Variants in ELFN2 observed in about 807,000 individuals in gnomAD.
ELFN2 encodes the protein extracellular leucine rich repeat and fibronectin type III domain containing 2.
ELFN2 carries 17 observed loss-of-function variants against 45.5 expected under a neutral mutation model. That is an observed-to-expected ratio of 0.37 (90% CI 0.26 to 0.56). The LOEUF is 0.56. ELFN2 is among the 20% of genes least tolerant of loss of function. The pLI is 0.77. For missense variants in ELFN2, 922 were observed against 1,183.2 expected (o/e 0.78, Z 3.24); for synonymous variants, 550 against 551.5 (o/e 1.00, Z 0.04).
At chr22:37,394,976 G>A (rs1034553710) in intron 2 of ELFN2, among the ~76,000 whole-genome samples, 7 of 152,002 alleles carry the variant, frequency 4.6e-5, no homozygotes, top group African/African-American at 1.7e-4. Flanking sequence ...GGGGGCACAC[G>A]CCTGTAGTCC....
chr22:37,363,501 C>T (rs1931134839), downstream of ELFN2, among the ~76,000 whole-genome samples: 1 of 151,928 alleles, frequency 6.6e-6, no homozygotes, highest in Admixed American at 6.6e-5. Context: ...GGAAGATGCG[C>T]GGTCTGAGAT....
chr22:37,367,381 G>A (rs1392750417), downstream of ELFN2, among the ~76,000 whole-genome samples: 3 of 152,226 alleles, frequency 2.0e-5, no homozygotes, highest in South Asian at 2.1e-4. Context: ...ATGAAGAACC[G>A]CAGCAGATGG....
At chr22:37,383,315 C>T (rs1165213823) in intron 2 of ELFN2, among the ~76,000 whole-genome samples, 1 of 152,230 alleles carries the variant, frequency 6.6e-6, no homozygotes, top group Non-Finnish European at 1.5e-5. Context: ...CTCTAGGCCC[C>T]TTCACACACA....
intron 2 of ELFN2, among the ~76,000 whole-genome samples, chr22:37,415,172 GC>G (rs1932743625): frequency 7.0e-6 from 1 of 142,894 alleles, no homozygotes; most frequent in African/African-American, 3.0e-5. Flanking sequence ...GCCCTCTTTG[GC>G]CATCACTCTC....
intron 2 of ELFN2, among the ~76,000 whole-genome samples, chr22:37,386,774 A>G (rs1014580219): frequency 6.6e-6 from 1 of 152,294 alleles, no homozygotes; most frequent in East Asian, 1.9e-4. Context: ...TGCTGTGGCC[A>G]CCAACTCCGC....
chr22:37,397,841 G>A (rs547317983), intron 2 of ELFN2, among the ~76,000 whole-genome samples: 86 of 152,194 alleles, frequency 5.7e-4, no homozygotes, highest in African/African-American at 2.0e-3. Flanking sequence ...GGAGGCTGTG[G>A]GCACCCGGGA....
intron 2 of ELFN2, chr22:37,341,038 G>A (rs1263775876): frequency 6.6e-6 from 1 of 152,400 alleles, no homozygotes; most frequent in Non-Finnish European, 1.5e-5. Context: ...GAGAGAGGGA[G>A]GGAGAAGGGG....
intron 1 of ELFN2, chr22:37,353,766 G>C (rs533490052): frequency 1.7e-4 from 25 of 151,130 alleles, no homozygotes; most frequent in African/African-American, 5.8e-4. Flanking sequence ...ACCCAGCCAG[G>C]CTTGGCCAGG....
chr22:37,373,089 C>T lies in ELFN2; in HGVS notation c.2446G>A (p.Ala816Thr), dbSNP rs61737924. The T allele has an allele frequency of 2.5e-6, 4 of 1,598,088 alleles. No homozygotes were observed. The highest frequency in any genetic ancestry group is 2.6e-6 in the Non-Finnish European group (3 of 1,168,780). Residue 816 changes from alanine to threonine, a missense_variant, in exon 3 of 3, where the codon GCC becomes ACC. Around this residue, in one of 2 missense-constraint regions of ELFN2, gnomAD observed 564 missense variants for 642.8 expected, o/e 0.88. Transcript: ENST00000402918. ...GGGGGGGGTCACAGCTTCTGCTGGG[C>T]GGAGACCCCCTTCCAGTAATCAAGG... is the stretch of plus-strand genomic sequence containing the variant. ...DILDYWKGVS[A>T]QQKL
At chr22:37,405,845 G>GT (rs1276613476) in intron 2 of ELFN2, among the ~76,000 whole-genome samples, 3 of 148,686 alleles carry the variant, frequency 2.0e-5, no homozygotes, top group Non-Finnish European at 4.5e-5. Flanking sequence ...GGTGGAGGGG[G>GT]GGTGGTCCTG....
chr22:37,387,120 G>A (rs1931968195), intron 2 of ELFN2, among the ~76,000 whole-genome samples: 2 of 152,186 alleles, frequency 1.3e-5, no homozygotes, highest in South Asian at 4.1e-4. Flanking sequence ...AGTGAGGAAG[G>A]ATGGGGCCTG....
chr22:37,407,736 A>C (rs1932541920), intron 2 of ELFN2, among the ~76,000 whole-genome samples: 1 of 151,904 alleles, frequency 6.6e-6, no homozygotes, highest in African/African-American at 2.4e-5. Context: ...TCTCTACTAA[A>C]AAAAAAAAAT....
In ELFN2 at chr22:37,374,757, G is replaced by A. The variant is rs757543769; in HGVS notation, c.778C>T (p.Pro260Ser). The change falls in exon 3 of 3, where the codon CCC becomes TCC. Residue 260 changes from proline (P) to serine (S), a missense_variant. Transcript: ENST00000402918. ...LPARPVSHPTPYSTDAQREPD... is the reference protein window; with the variant it reads ...LPARPVSHPTSYSTDAQREPD... Reference sequence around the variant, plus strand: ...TCCCTCTGGGCGTCGGTGGAGTAGGGCGTGGGGTGGCTCACGGGCCGGGCG... The same window carrying A: ...TCCCTCTGGGCGTCGGTGGAGTAGGACGTGGGGTGGCTCACGGGCCGGGCG... The A allele has an allele frequency of 1.6e-5, 25 of 1,610,206 alleles. No individual in the cohort carries two copies. The Admixed American group carries it at 4.2e-4, about 27-fold the overall frequency.
intron 1 of ELFN2, among the ~76,000 whole-genome samples, chr22:37,424,462 G>A (rs1002400524): frequency 6.6e-6 from 1 of 152,148 alleles, no homozygotes; most frequent in African/African-American, 2.4e-5. Flanking sequence ...TTCCTATCAC[G>A]CTGACTGTTT....
chr22:37,397,374 C>T (rs1487440804), intron 2 of ELFN2, among the ~76,000 whole-genome samples: 1 of 152,190 alleles, frequency 6.6e-6, no homozygotes, highest in African/African-American at 2.4e-5. Context: ...TGGCATCCGT[C>T]TCCACTCGCT....
rs1351107395 is a variant in ELFN2, at chr22:37,350,639, C to G, written n.149-7936G>C. 4.6e-5 allele frequency among the ~76,000 whole-genome samples: 7 copies of G among 150,716 alleles called. 1 individual carries two copies. ...GCTGAGAGCGTGTGTGACCCCAGAG[C>G]CCCCAGTACTGTCATTAGCGCTGAT... On this transcript the variant is annotated intron_variant and non_coding_transcript_variant, in intron 1 of 2. Coordinates refer to ENST00000452946, the Ensembl canonical transcript of ELFN2.
At chr22:37,343,906 C>G (rs2145607118) in intron 1 of ELFN2, among the ~76,000 whole-genome samples, 1 of 152,234 alleles carries the variant, frequency 6.6e-6, no homozygotes, top group East Asian at 1.9e-4. Flanking sequence ...CTCACACCCC[C>G]CTGGATCCCT....
At chr22:37,389,630 C>A (rs1464242373) in intron 2 of ELFN2, among the ~76,000 whole-genome samples, 1 of 152,086 alleles carries the variant, frequency 6.6e-6, no homozygotes, top group African/African-American at 2.4e-5. Flanking sequence ...AACTGAGGTG[C>A]GGACGAGGAA....
chr22:37,413,392 T>A (rs1460301832), intron 2 of ELFN2, among the ~76,000 whole-genome samples: 1 of 144,050 alleles, frequency 6.9e-6, no homozygotes, highest in Non-Finnish European at 1.5e-5. Context: ...CACGGTGAGA[T>A]CCCGTCTCTA....
Sources: allele counts gnomAD v4.1 joint callset (sites outside exome capture counted in the v4.1 genomes callset), GRCh38; gene constraint gnomAD v4.1.1; regional missense constraint gnomAD v4.1.1; transcripts MANE v1.5; gene names NCBI Gene and HGNC (gene_info 2026-07-23, HGNC 2026-07-21).